The following NAV3 variants were observed in gnomAD, a reference collection of about 807,000 sequenced individuals.
NAV3 encodes the protein pore membrane and/or filament interacting like protein 1.
In NAV3, 87 loss-of-function variants were observed where a neutral mutation model predicts 244.7. That is an observed-to-expected ratio of 0.36 (90% confidence interval 0.30 to 0.42). The LOEUF is 0.42. Among genes scored for constraint, NAV3 ranks in the 20% least tolerant of loss-of-function variants. The pLI is 1.00. For synonymous variants in NAV3, 1,126 were observed against 1,042.2 expected, an observed-to-expected ratio of 1.08 and a Z score of -1.55; for missense variants, 2,663 against 2,893.3, an observed-to-expected ratio of 0.92 and a Z score of 1.83.
intron 39 of NAV3, among the ~76,000 whole-genome samples, chr12:78,205,490 A>G (rs902710597): frequency 2.0e-5 from 3 of 152,042 alleles, no homozygotes; most frequent in Non-Finnish European, 2.9e-5. Context: ...AAATAGAAAA[A>G]CAAAAGTTAT....
chr12:77,992,569 G>A (rs1026476112), intron 5 of NAV3, among the ~76,000 whole-genome samples: 6 of 152,320 alleles, frequency 3.9e-5, no homozygotes, highest in African/African-American at 1.2e-4. Context: ...TGAAGCTCAC[G>A]TAAATGGACA....
intron 12 of NAV3, among the ~76,000 whole-genome samples, chr12:78,095,199 T>C (rs946854165): frequency 6.6e-6 from 1 of 152,016 alleles, no homozygotes; most frequent in African/African-American, 2.4e-5. Flanking sequence ...ACTTTGTCAG[T>C]ATACTACCAC....
intron 2 of NAV3, among the ~76,000 whole-genome samples, chr12:77,579,843 C>T (rs1171157968): frequency 2.0e-5 from 3 of 152,148 alleles, no homozygotes; most frequent in African/African-American, 7.2e-5. Flanking sequence ...TTTTGGTTCT[C>T]GAATCCGACA....
chr12:77,579,232 A>G (rs896312203), intron 2 of NAV3, among the ~76,000 whole-genome samples: 4 of 152,234 alleles, frequency 2.6e-5, no homozygotes, highest in Non-Finnish European at 5.9e-5. Context: ...AATACTAACC[A>G]AATTAGTTGT....
chr12:77,573,352 C>G (rs1237423139), intron 2 of NAV3, among the ~76,000 whole-genome samples: 1 of 152,068 alleles, frequency 6.6e-6, no homozygotes, highest in Non-Finnish European at 1.5e-5. Flanking sequence ...TACAGTAATC[C>G]TTTTGTCATT....
intron 24 of NAV3, among the ~76,000 whole-genome samples, chr12:78,174,083 G>A (rs935677487): frequency 6.6e-6 from 1 of 151,598 alleles, no homozygotes; most frequent in Non-Finnish European, 1.5e-5. Flanking sequence ...AACTTCCACT[G>A]AGATTTTTTT....
chr12:77,898,872 G>A (rs565800132), intron 1 of NAV3, among the ~76,000 whole-genome samples: 1 of 152,224 alleles, frequency 6.6e-6, no homozygotes, highest in East Asian at 1.9e-4. Context: ...GATGTCAAAG[G>A]GCATTCGTGA....
intron 1 of NAV3, among the ~76,000 whole-genome samples, chr12:77,856,687 AACATTAAAATGTTAAC>A (rs1313939126): frequency 2.6e-5 from 4 of 152,182 alleles, no homozygotes; most frequent in Non-Finnish European, 5.9e-5. Flanking sequence ...GTGAATGCAT[AACATTAAAATGTTAAC>A]TTGAAAGGAG....
At chr12:77,607,900 C>T (rs536199359) in intron 2 of NAV3, among the ~76,000 whole-genome samples, 3 of 152,060 alleles carry the variant, frequency 2.0e-5, no homozygotes, top group African/African-American at 7.2e-5. Context: ...TAATTGGTGC[C>T]GAATAAATGT....
Position 77,940,007 on chromosome 12 carries a change from TAAAG to T in NAV3, c.244-310_244-307del, listed in dbSNP as rs536951358. Among the ~76,000 whole-genome samples the T allele has an allele frequency of 2.5e-3, 377 of 152,204 alleles. 4 individuals carry two copies. Among genetic ancestry groups the T allele is most frequent in the African/African-American group, 7.7e-3 (318 of 41,546 alleles). The stretch of plus-strand genomic sequence containing the variant: ...ATTGTTTTCAAAATGATAGAAACAA[TAAAG>T]AGAGAGAAAACCCAAACTGATTTGC... On this transcript the variant is annotated intron_variant, in intron 1 of 39. Transcript: ENST00000397909.
At chr12:78,166,806 C>T (rs986277468) in intron 23 of NAV3, among the ~76,000 whole-genome samples, 1 of 151,760 alleles carries the variant, frequency 6.6e-6, no homozygotes, top group Non-Finnish European at 1.5e-5. Flanking sequence ...AGTCAGCTAA[C>T]TCAAAGCTAA....
chr12:77,792,325 G>A (rs78087783), intron 2 of NAV3, among the ~76,000 whole-genome samples: 89 of 152,288 alleles, frequency 5.8e-4, no homozygotes, highest in Non-Finnish European at 1.1e-3. Context: ...ATTCTGTCAG[G>A]TTGGTGGAGA....
At chr12:77,938,635 T>C (rs1437798768) in intron 1 of NAV3, among the ~76,000 whole-genome samples, 1 of 152,148 alleles carries the variant, frequency 6.6e-6, no homozygotes, top group Admixed American at 6.6e-5. Flanking sequence ...CCAAGATTCA[T>C]TCAAAACACT....
chr12:77,600,881 G>A (rs1870398574), intron 2 of NAV3, among the ~76,000 whole-genome samples: 1 of 151,946 alleles, frequency 6.6e-6, no homozygotes, highest in African/African-American at 2.4e-5. Flanking sequence ...GAGCCTTAAA[G>A]TGGCAGGCTT....
At chr12:77,977,812 G>T (rs1203467953) in intron 5 of NAV3, among the ~76,000 whole-genome samples, 1 of 151,572 alleles carries the variant, frequency 6.6e-6, no homozygotes, top group Non-Finnish European at 1.5e-5. Flanking sequence ...TGAAAGTCTG[G>T]TAAAAGTTGA....
chr12:77,587,744 GA>G (rs1419443162), intron 2 of NAV3, among the ~76,000 whole-genome samples: 1 of 152,184 alleles, frequency 6.6e-6, no homozygotes, highest in East Asian at 1.9e-4. Context: ...TAAGATGCAT[GA>G]ATAGTTAATT....
At chr12:77,911,179 G>A (rs928035945) in intron 1 of NAV3, among the ~76,000 whole-genome samples, 1 of 152,022 alleles carries the variant, frequency 6.6e-6, no homozygotes. Flanking sequence ...TGTTTGGGGA[G>A]GGAGTAAAGA....
intron 20 of NAV3, among the ~76,000 whole-genome samples, chr12:78,143,604 G>A (rs150911208): frequency 1.5e-3 from 202 of 137,086 alleles, no homozygotes; most frequent in African/African-American, 5.3e-3. Context: ...CAGCCTGGGC[G>A]ACAAAGCCAA....
intron 23 of NAV3, among the ~76,000 whole-genome samples, chr12:78,166,050 A>G (rs1208104223): frequency 6.6e-6 from 1 of 151,928 alleles, no homozygotes; most frequent in Non-Finnish European, 1.5e-5. Flanking sequence ...AACACAGACC[A>G]GAATATTTCA....
Sources: allele counts gnomAD v4.1 joint callset (sites outside exome capture counted in the v4.1 genomes callset), GRCh38; gene constraint gnomAD v4.1.1; transcripts MANE v1.5; gene names NCBI Gene and HGNC (gene_info 2026-07-23, HGNC 2026-07-21).